Variants in GRIK2 observed in about 807,000 individuals in gnomAD.
GRIK2 encodes the protein glutamate ionotropic receptor kainate type subunit 2.
In GRIK2, 32 loss-of-function variants were observed where a neutral mutation model predicts 100.3. That is an observed-to-expected ratio of 0.32 (90% CI 0.24 to 0.43). The LOEUF (loss-of-function observed/expected upper bound fraction) is 0.43. Among genes scored for constraint, GRIK2 ranks in the 20% least tolerant of loss-of-function variants. The pLI, the probability that GRIK2 is intolerant of heterozygous loss-of-function variation, is 1.00. For missense variants in GRIK2, 843 were observed against 1,114.9 expected (o/e 0.76, Z 3.47); for synonymous variants, 417 against 389.4 (o/e 1.07, Z -0.83).
chr6:101,644,745 G>A (rs534272366), intron 4 of GRIK2, among the ~76,000 whole-genome samples: 13 of 151,866 alleles, frequency 8.6e-5, no homozygotes, highest in African/African-American at 3.1e-4. Context: ...ATTAAGTTTT[G>A]TAGTTATTGG....
chr6:101,564,563 A>G (rs1316657482), intron 2 of GRIK2, among the ~76,000 whole-genome samples: 1 of 152,086 alleles, frequency 6.6e-6, no homozygotes, highest in Admixed American at 6.6e-5. Context: ...TCCCTAATGT[A>G]AGTATTTCAA....
chr6:101,431,397 T>C (rs1335878999), intron 2 of GRIK2: 9 of 152,372 alleles, frequency 5.9e-5, no homozygotes, highest in African/African-American at 2.2e-4. Context: ...AAGTCTTTAC[T>C]CTGACAGAGT....
At chr6:101,846,336 A>G (rs1180109548) in intron 10 of GRIK2, among the ~76,000 whole-genome samples, 1 of 152,094 alleles carries the variant, frequency 6.6e-6, no homozygotes, top group African/African-American at 2.4e-5. Context: ...TTTTTTGTGT[A>G]CTATGTGAGG....
chr6:101,930,078 G>A (rs886379692), intron 14 of GRIK2, among the ~76,000 whole-genome samples: 1 of 151,942 alleles, frequency 6.6e-6, no homozygotes, highest in Non-Finnish European at 1.5e-5. Flanking sequence ...ACGTTGGCTC[G>A]TGCCTGTAAT....
In GRIK2 at chr6:101,937,597, T is replaced by A. The variant is rs1431958247; in HGVS notation, c.2085+8965T>A. On this transcript the variant is annotated intron_variant, in intron 14 of 16. Coordinates refer to ENST00000369134, the MANE Select transcript of GRIK2 (RefSeq NM_021956.5). ...AAATTTTAGTGCTTTATATCTTACA[T>A]AAAAAAACTAAAATGACAAATTCCA... 2.6e-5 allele frequency among the ~76,000 whole-genome samples: 4 copies of A among 152,210 alleles called. 1 individual carries two copies. The East Asian group carries it at 7.7e-4, about 29-fold the overall frequency.
At chr6:101,686,798 C>T (rs1016823649) in intron 7 of GRIK2, among the ~76,000 whole-genome samples, 2 of 152,114 alleles carry the variant, frequency 1.3e-5, no homozygotes, top group Non-Finnish European at 2.9e-5. Flanking sequence ...AGCTTACTCA[C>T]TCTTTAAGGC....
At chr6:101,435,122 A>C (rs574748552) in intron 2 of GRIK2, among the ~76,000 whole-genome samples, 76 of 152,190 alleles carry the variant, frequency 5.0e-4, no homozygotes, top group African/African-American at 1.7e-3. Context: ...AGAGTTTTTG[A>C]GTGCTTTCAT....
chr6:101,943,498 T>G (rs1196281229), intron 14 of GRIK2, among the ~76,000 whole-genome samples: 3 of 152,086 alleles, frequency 2.0e-5, no homozygotes, highest in Non-Finnish European at 4.4e-5. Flanking sequence ...CACTCAACAC[T>G]AGCCCGTGAA....
chr6:101,636,247 A>G (rs758284908), intron 4 of GRIK2, among the ~76,000 whole-genome samples: 1 of 152,164 alleles, frequency 6.6e-6, no homozygotes, highest in Non-Finnish European at 1.5e-5. Flanking sequence ...AAACTAACAC[A>G]AGAACAGAAA....
At chr6:101,527,386 A>T (rs867750119) in intron 2 of GRIK2, among the ~76,000 whole-genome samples, 1 of 152,160 alleles carries the variant, frequency 6.6e-6, no homozygotes, top group African/African-American at 2.4e-5. Context: ...GAGGTCTCAT[A>T]ACAATGATTA....
Position 101,626,525 on chromosome 6 carries a change from T to G in GRIK2, c.429T>G (p.Asp143Glu). ...AGCACCAGGTGTCAGACAACAAAGATTCCTTCTATGTCAGTCTCTACCCAG... is the reference window on the plus strand; with the variant it reads ...AGCACCAGGTGTCAGACAACAAAGAGTCCTTCTATGTCAGTCTCTACCCAG... ...RWKHQVSDNK[D>E]SFYVSLYPDF... The change falls in exon 4 of 17, where the codon GAT (aspartate) becomes GAG (glutamate). Residue 143 changes from aspartate to glutamate, a missense_variant. By Grantham distance (45) the Asp-to-Glu change is conservative. Around this residue, in one of 3 missense-constraint regions of GRIK2, gnomAD observed 519 missense variants for 643.8 expected, o/e 0.81. Coordinates refer to ENST00000369134, the MANE Select transcript of GRIK2 (RefSeq NM_021956.5). 1 of 1,613,934 alleles carries G rather than the reference T, an allele frequency of 6.2e-7. No homozygotes were observed. The highest frequency in any genetic ancestry group is 1.1e-5 in the South Asian group (1 of 91,090).
intron 2 of GRIK2, among the ~76,000 whole-genome samples, chr6:101,404,840 C>T (rs1775512834): frequency 6.6e-6 from 1 of 152,034 alleles, no homozygotes; most frequent in Admixed American, 6.5e-5. Flanking sequence ...GGTCAGAAAC[C>T]CCTGAAAGGG....
chr6:101,799,548 T>C (rs1780542761), intron 7 of GRIK2, 100 bp from the exon 8 acceptor site: 2 of 830,656 alleles, frequency 2.4e-6, no homozygotes, highest in Non-Finnish European at 4.0e-6. Flanking sequence ...AAATGGGATA[T>C]ATATTTCCCT....
At chr6:101,902,008 AATC>A (rs1196592260) in intron 12 of GRIK2, among the ~76,000 whole-genome samples, 1 of 144,856 alleles carries the variant, frequency 6.9e-6, no homozygotes, top group African/African-American at 2.6e-5. Flanking sequence ...GCAATTCATG[AATC>A]ATCTATAAAA....
At chr6:101,968,032 G>GA (rs1792800291) in intron 14 of GRIK2, among the ~76,000 whole-genome samples, 1 of 151,444 alleles carries the variant, frequency 6.6e-6, no homozygotes, top group Non-Finnish European at 1.5e-5. Context: ...CTGAGAACTA[G>GA]AAAAGATGTG....
At chr6:101,833,293 A>G (rs772297102) in intron 10 of GRIK2, among the ~76,000 whole-genome samples, 18 of 152,138 alleles carry the variant, frequency 1.2e-4, no homozygotes, top group African/African-American at 4.1e-4. Flanking sequence ...GTGCAGTGGC[A>G]TGATCTCAGC....
At chr6:101,399,482 C>T in intron 2 of GRIK2, 90 bp downstream of exon 2, 1 of 758,552 alleles carries the variant, frequency 1.3e-6, no homozygotes, top group South Asian at 1.4e-5. Flanking sequence ...GCGGTGGGCT[C>T]CGTGGATTCT....
rs543829659 is a variant in GRIK2, at chr6:101,792,026, C to G, written c.952-7622C>G. On this transcript the variant is annotated intron_variant, in intron 7 of 16. Transcript: ENST00000369134. ...TCTGTTTTATCAGAGACTAGGATTG[C>G]AACCCCTGCCTTTTTTTGTTTTCCA... is the stretch of plus-strand genomic sequence containing the variant. 7.7e-3 allele frequency among the ~76,000 whole-genome samples: 1,167 copies of G among 152,102 alleles called. 5 individuals carry two copies. The highest frequency in any genetic ancestry group is 9.7e-3 in the Non-Finnish European group (662 of 68,012).
At chr6:102,060,806 A>G (rs1393896792) in intron 16 of GRIK2, among the ~76,000 whole-genome samples, 1 of 150,606 alleles carries the variant, frequency 6.6e-6, no homozygotes, top group African/African-American at 2.4e-5. Flanking sequence ...TATAGCTGTA[A>G]AGCATAATTA....
Sources: gnomAD v4.1 joint callset for allele counts (sites outside exome capture counted in the v4.1 genomes callset) on GRCh38, gnomAD v4.1.1 for gene constraint, gnomAD v4.1.1 regional missense constraint, MANE v1.5 for transcripts, NCBI Gene and HGNC (gene_info 2026-07-23, HGNC 2026-07-21) for gene names.